Variants in CACNB2 observed in about 807,000 individuals in gnomAD.
CACNB2 encodes voltage-dependent L-type calcium channel subunit beta-2.
CACNB2 carries 42 observed loss-of-function variants against 73.3 expected under a neutral mutation model. The ratio of observed to expected loss-of-function variants is 0.57; its 90% CI spans 0.45 to 0.74. The LOEUF (loss-of-function observed/expected upper bound fraction) is 0.74, where lower values mean the gene tolerates loss of function less well. Ranked by LOEUF, CACNB2 falls within the 30% of genes least tolerant of loss-of-function variation. The pLI is 0.00. For missense variants in CACNB2, 940 were observed against 853.0 expected, an observed-to-expected ratio of 1.10 and a Z score of -1.27; for synonymous variants, 348 against 310.3, an observed-to-expected ratio of 1.12 and a Z score of -1.28.
intron 2 of CACNB2, chr10:18,238,380 G>C (rs911922267): frequency 6.6e-6 from 1 of 152,094 alleles, no homozygotes; most frequent in Non-Finnish European, 1.5e-5. Flanking sequence ...GAAAGCCATC[G>C]TTTTGAGATT....
At chr10:18,430,489 G>T (rs1035976179) in intron 3 of CACNB2, among the ~76,000 whole-genome samples, 1 of 152,060 alleles carries the variant, frequency 6.6e-6, no homozygotes, top group Admixed American at 6.6e-5. Context: ...AATTAACTGG[G>T]TGTGGTGGTG....
chr10:18,429,291 T>G (rs2045759568), intron 3 of CACNB2, among the ~76,000 whole-genome samples: 1 of 152,208 alleles, frequency 6.6e-6, no homozygotes, highest in Admixed American at 6.5e-5. Flanking sequence ...ATGCAGTCTC[T>G]CTTCCTAAAT....
chr10:18,484,418 A>G (rs1202890691), intron 3 of CACNB2, among the ~76,000 whole-genome samples: 1 of 9,230 alleles, frequency 1.1e-4, no homozygotes, highest in Non-Finnish European at 2.0e-4. Flanking sequence ...AAATAGATAC[A>G]GTATAGAGAA....
intron 3 of CACNB2, among the ~76,000 whole-genome samples, chr10:18,448,988 A>G (rs1422598953): frequency 1.3e-5 from 2 of 152,210 alleles, no homozygotes; most frequent in African/African-American, 4.8e-5. Flanking sequence ...CCATCTAGGA[A>G]GGTGTCTGTA....
chr10:18,409,316 A>AAAG (rs1564517072), intron 3 of CACNB2, among the ~76,000 whole-genome samples: 1 of 150,236 alleles, frequency 6.7e-6, no homozygotes, highest in Non-Finnish European at 1.5e-5. Flanking sequence ...AAAAAAAAAA[A>AAAG]AAGTAGAGAC....
intron 2 of CACNB2, among the ~76,000 whole-genome samples, chr10:18,164,064 A>G (rs1482096040): frequency 1.3e-5 from 2 of 152,214 alleles, no homozygotes; most frequent in East Asian, 1.9e-4. Flanking sequence ...GATGCTTTCT[A>G]TTGGCAAGGT....
rs142626089 is a variant in CACNB2, at chr10:18,531,055, A to C, written c.1055-3021A>C. 9.9e-3 allele frequency among the ~76,000 whole-genome samples: 1,513 copies of C among 152,292 alleles called. 22 individuals carry two copies. Among genetic ancestry groups the C allele is most frequent in the African/African-American group, 0.034 (1,422 of 41,566 alleles). ...AAAATTAAGAGTTTTGTGTGTAGTAATTATGAAAATGGCATTGGAATTACA... is the reference window on the plus strand; with the variant it reads ...AAAATTAAGAGTTTTGTGTGTAGTACTTATGAAAATGGCATTGGAATTACA... On this transcript the variant is annotated intron_variant, in intron 10 of 13. Coordinates refer to ENST00000324631, the MANE Select transcript of CACNB2 (RefSeq NM_201596.3).
At chr10:18,274,764 A>T (rs918140360) in intron 2 of CACNB2, among the ~76,000 whole-genome samples, 1 of 152,170 alleles carries the variant, frequency 6.6e-6, no homozygotes, top group African/African-American at 2.4e-5. Context: ...ATAACCATTT[A>T]AAAATAATAG....
intron 3 of CACNB2, among the ~76,000 whole-genome samples, chr10:18,437,596 A>G (rs2046201806): frequency 6.6e-6 from 1 of 152,232 alleles, no homozygotes; most frequent in Non-Finnish European, 1.5e-5. Flanking sequence ...CCAAAATTCA[A>G]TCACGTGGGC....
intron 3 of CACNB2, among the ~76,000 whole-genome samples, chr10:18,456,176 T>G (rs7893279): frequency 0.1 from 15,704 of 152,148 alleles, 964 homozygotes; most frequent in Admixed American, 0.17. Flanking sequence ...TTAAGAAACT[T>G]CCTACTGATC....
rs562385866 is a variant in CACNB2 at position 18,494,588 on chromosome 10, T to C, written c.334-3767T>C. 1.8e-4 allele frequency among the ~76,000 whole-genome samples: 26 copies of C among 142,266 alleles called. No individual in the cohort carries two copies. In the South Asian group the frequency reaches 5.1e-3, roughly 28 times the overall value. 93.3% of individuals were successfully genotyped at this position (142,266 alleles called of 152,430 possible). On this transcript the variant is annotated intron_variant, in intron 3 of 13. Transcript: ENST00000324631. Reference sequence around the variant, plus strand: ...CGGAGTTTGCAGTGAGCCGAGATCGTGCCATTGCACTCCAGCCTGGGTGAC... The same window carrying C: ...CGGAGTTTGCAGTGAGCCGAGATCGCGCCATTGCACTCCAGCCTGGGTGAC...
intron 2 of CACNB2, among the ~76,000 whole-genome samples, chr10:18,167,610 A>G (rs2032943240): frequency 6.6e-6 from 1 of 151,998 alleles, no homozygotes; most frequent in African/African-American, 2.4e-5. Context: ...AATTGTCTTT[A>G]TTTTATTCGA....
chr10:18,196,426 C>T (rs1462657387), intron 2 of CACNB2, among the ~76,000 whole-genome samples: 3 of 151,896 alleles, frequency 2.0e-5, no homozygotes, highest in Non-Finnish European at 2.9e-5. Context: ...AAGTGATCCT[C>T]TTACCTCAGC....
intron 3 of CACNB2, among the ~76,000 whole-genome samples, chr10:18,426,817 T>C (rs2045622684): frequency 6.6e-6 from 1 of 152,226 alleles, no homozygotes; most frequent in African/African-American, 2.4e-5. Context: ...TGGTACTCTT[T>C]AAAAGCATGT....
chr10:18,260,157 T>A (rs1212371923), intron 2 of CACNB2, among the ~76,000 whole-genome samples: 1 of 152,194 alleles, frequency 6.6e-6, no homozygotes, highest in Non-Finnish European at 1.5e-5. Flanking sequence ...TCTCCACATG[T>A]CTTAATGATT....
chr10:18,328,156 G>T (rs1455047292), intron 2 of CACNB2, among the ~76,000 whole-genome samples: 1 of 152,174 alleles, frequency 6.6e-6, no homozygotes, highest in Non-Finnish European at 1.5e-5. Context: ...GAATTCAAGG[G>T]TCAAGACTGA....
At position 18,280,486 on chromosome 10, in the gene CACNB2, C is replaced by T. The variant is rs556196496; in HGVS notation, c.214-121438C>T. Among the ~76,000 whole-genome samples the T allele has an allele frequency of 8.5e-5, 13 of 152,236 alleles. No homozygotes were observed. The East Asian group carries it at 1.2e-3, about 14-fold the overall frequency. On this transcript the variant is annotated intron_variant, in intron 2 of 13. Transcript: ENST00000324631. ...CACTTAATCCCTCTCCTAGTCACTGCGGCCCCTCTGTGTGTATTATAAAAA... is the reference window on the plus strand; with the variant it reads ...CACTTAATCCCTCTCCTAGTCACTGTGGCCCCTCTGTGTGTATTATAAAAA...
intron 2 of CACNB2, among the ~76,000 whole-genome samples, chr10:18,348,850 G>A (rs1428864399): frequency 2.6e-5 from 4 of 152,176 alleles, no homozygotes; most frequent in African/African-American, 4.8e-5. Flanking sequence ...CAGGCAAGAT[G>A]GCTGATGCCT....
intron 2 of CACNB2, among the ~76,000 whole-genome samples, chr10:18,183,168 C>T (rs1034456589): frequency 1.3e-5 from 2 of 151,994 alleles, no homozygotes; most frequent in African/African-American, 4.8e-5. Flanking sequence ...CCAGTATCAA[C>T]CCACACACCA....
Sources: allele counts gnomAD v4.1 joint callset (sites outside exome capture counted in the v4.1 genomes callset), GRCh38; gene constraint gnomAD v4.1.1; transcripts MANE v1.5; gene names NCBI Gene and HGNC (gene_info 2026-07-23, HGNC 2026-07-21).